Variants in ZRANB3 observed in about 807,000 individuals in gnomAD.
ZRANB3 encodes zinc finger RANBP2-type containing 3.
ZRANB3 carries 125 observed loss-of-function variants against 133.8 expected under a neutral mutation model. The observed-to-expected ratio is 0.93, with a 90% CI of 0.81 to 1.08. The LOEUF (loss-of-function observed/expected upper bound fraction) is 1.08. Ranked by LOEUF, ZRANB3 falls within the 50% of genes least tolerant of loss-of-function variation. The pLI is 0.00. For missense variants in ZRANB3, 1,229 were observed against 1,275.5 expected (o/e 0.96, Z 0.56); for synonymous variants, 387 against 432.7 (o/e 0.89, Z 1.31).
chr2:135,338,184 A>C (rs1684454820), intron 6 of ZRANB3, among the ~76,000 whole-genome samples: 2 of 152,252 alleles, frequency 1.3e-5, no homozygotes, highest in African/African-American at 4.8e-5. Context: ...CATACAAAAA[A>C]AACCCAGATC....
chr2:135,472,923 T>C (rs1424908046), intron 2 of ZRANB3, among the ~76,000 whole-genome samples: 1 of 152,214 alleles, frequency 6.6e-6, no homozygotes, highest in Non-Finnish European at 1.5e-5. Context: ...ATGTAACACT[T>C]CTAGCATATA....
intron 6 of ZRANB3, among the ~76,000 whole-genome samples, chr2:135,333,937 T>A (rs1196919169): frequency 6.6e-6 from 1 of 152,212 alleles, no homozygotes. Flanking sequence ...ATTAAAAAAC[T>A]ACAATACTGA....
At chr2:135,264,077 C>T (rs1398513137) in intron 12 of ZRANB3, among the ~76,000 whole-genome samples, 1 of 151,646 alleles carries the variant, frequency 6.6e-6, no homozygotes, top group East Asian at 1.9e-4. Context: ...CTGTGAGCCA[C>T]CACGCCTGGT....
chr2:135,485,661 A>C (rs999772095), intron 2 of ZRANB3, among the ~76,000 whole-genome samples: 2 of 152,252 alleles, frequency 1.3e-5, no homozygotes, highest in African/African-American at 4.8e-5. Flanking sequence ...GTTCCGTTCC[A>C]GATCACGTCA....
chr2:135,470,693 A>T (rs1201065889), intron 2 of ZRANB3, among the ~76,000 whole-genome samples: 1 of 152,098 alleles, frequency 6.6e-6, no homozygotes, highest in East Asian at 1.9e-4. Flanking sequence ...TCTCAAAACA[A>T]ATCAAAACAG....
At chr2:135,489,265 A>T in intron 2 of ZRANB3, among the ~76,000 whole-genome samples, 1 of 139,296 alleles carries the variant, frequency 7.2e-6, no homozygotes. Flanking sequence ...AACAATGAGA[A>T]CACACGGACA....
intron 2 of ZRANB3, among the ~76,000 whole-genome samples, chr2:135,438,468 G>T (rs1689641961): frequency 6.9e-6 from 1 of 145,226 alleles, no homozygotes; most frequent in African/African-American, 2.6e-5. Flanking sequence ...TTGCACCATT[G>T]CACTCTAGCA....
At chr2:135,454,849 T>G (rs1690426873) in intron 2 of ZRANB3, among the ~76,000 whole-genome samples, 1 of 152,214 alleles carries the variant, frequency 6.6e-6, no homozygotes, top group African/African-American at 2.4e-5. Context: ...TGATGGGCAC[T>G]TATGATACTT....
At chr2:135,488,278 C>G (rs1692212123) in intron 2 of ZRANB3, among the ~76,000 whole-genome samples, 1 of 151,896 alleles carries the variant, frequency 6.6e-6, no homozygotes, top group African/African-American at 2.4e-5. Flanking sequence ...TTACTGATCA[C>G]CATAACGGAT....
At chr2:135,205,595 C>G (rs1693824336) in intron 19 of ZRANB3, among the ~76,000 whole-genome samples, 1 of 152,204 alleles carries the variant, frequency 6.6e-6, no homozygotes, top group South Asian at 2.1e-4. Flanking sequence ...AAGCAATCCT[C>G]CCGCCTTGGC....
intron 2 of ZRANB3, among the ~76,000 whole-genome samples, chr2:135,404,571 C>A (rs6752369): frequency 6.6e-6 from 1 of 152,036 alleles, no homozygotes; most frequent in Non-Finnish European, 1.5e-5. Context: ...GCAAGTCAGG[C>A]CAACATTCAA....
chr2:135,425,939 C>T (rs1333889828), intron 2 of ZRANB3, among the ~76,000 whole-genome samples: 1 of 151,194 alleles, frequency 6.6e-6, no homozygotes, highest in South Asian at 2.1e-4. Flanking sequence ...AATAGATAGA[C>T]CACTAGCTAG....
intron 17 of ZRANB3, among the ~76,000 whole-genome samples, chr2:135,211,281 A>G (rs2095622292): frequency 6.6e-6 from 1 of 151,992 alleles, no homozygotes. Context: ...TGGCTCATGC[A>G]TGTAATCCCG....
chr2:135,384,812 C>G lies in ZRANB3; in HGVS notation c.180+5990G>C, dbSNP rs550669335. Among the ~76,000 whole-genome samples the G allele has an allele frequency of 7.9e-5, 12 of 152,252 alleles. No homozygotes were observed. In the East Asian group the frequency reaches 2.3e-3, roughly 29 times the overall value. The stretch of plus-strand genomic sequence containing the variant: ...TCAACAGCCCTTCATGCTAAAAACT[C>G]TCAATAAATTGGGTATTGATGGGAT... On this transcript the variant is annotated intron_variant, in intron 3 of 20. Transcript: ENST00000264159.
At chr2:135,489,008 T>C (rs1254566186) in intron 2 of ZRANB3, among the ~76,000 whole-genome samples, 1 of 151,916 alleles carries the variant, frequency 6.6e-6, no homozygotes, top group African/African-American at 2.4e-5. Context: ...AACAGTGTCA[T>C]AAGGAGAATA....
intron 17 of ZRANB3, among the ~76,000 whole-genome samples, chr2:135,213,605 C>T (rs1694188665): frequency 6.6e-6 from 1 of 152,146 alleles, no homozygotes; most frequent in African/African-American, 2.4e-5. Flanking sequence ...GATATACCTC[C>T]TTAAGAGCTC....
chr2:135,298,899 G>A (rs1191419593), intron 8 of ZRANB3, among the ~76,000 whole-genome samples: 1 of 152,022 alleles, frequency 6.6e-6, no homozygotes, highest in Non-Finnish European at 1.5e-5. Flanking sequence ...TCCTTTTTTG[G>A]AGCACGGTTG....
chr2:135,406,230 G>A (rs2104946955), intron 2 of ZRANB3, among the ~76,000 whole-genome samples: 1 of 152,262 alleles, frequency 6.6e-6, no homozygotes, highest in East Asian at 1.9e-4. Flanking sequence ...AGAAGAAATG[G>A]ATAAATTCCT....
chr2:135,233,443 C>T (rs557477080), intron 12 of ZRANB3, among the ~76,000 whole-genome samples: 16 of 152,192 alleles, frequency 1.1e-4, no homozygotes, highest in Non-Finnish European at 1.8e-4. Flanking sequence ...ATACAGAGAA[C>T]GCCACAAAGA....
Sources: gnomAD v4.1 joint callset for allele counts (sites outside exome capture counted in the v4.1 genomes callset) on GRCh38, gnomAD v4.1.1 for gene constraint, MANE v1.5 for transcripts, NCBI Gene and HGNC (gene_info 2026-07-23, HGNC 2026-07-21) for gene names.